The following FSHR variants were observed in gnomAD, a reference collection of about 807,000 sequenced individuals.
FSHR encodes follicle stimulating hormone receptor, also known as follicle-stimulating hormone receptor.
In FSHR, 46 loss-of-function variants were observed where a neutral mutation model predicts 52.1. That is an observed-to-expected ratio of 0.88 (90% CI 0.70 to 1.13). The LOEUF (loss-of-function observed/expected upper bound fraction) is 1.13. FSHR is among the 50% of genes most tolerant of loss of function. FSHR has a pLI of 0.00. For synonymous variants in FSHR, 399 were observed against 309.6 expected (o/e 1.29, Z -3.03); for missense variants, 964 against 834.6 (o/e 1.16, Z -1.91).
At chr2:49,140,685 CA>C (rs1429380953) in intron 1 of FSHR, among the ~76,000 whole-genome samples, 4 of 150,418 alleles carry the variant, frequency 2.7e-5, no homozygotes, top group African/African-American at 2.5e-5. Context: ...GCCTGGGCGA[CA>C]GAGTGAGACT....
At chr2:49,088,213 G>C (rs1418186305) in intron 1 of FSHR, among the ~76,000 whole-genome samples, 1 of 152,150 alleles carries the variant, frequency 6.6e-6, no homozygotes, top group Non-Finnish European at 1.5e-5. Flanking sequence ...AAGAGAATGG[G>C]ACCCAGGGCT....
chr2:49,076,122 T>C (rs921120183), intron 1 of FSHR, among the ~76,000 whole-genome samples: 1 of 152,138 alleles, frequency 6.6e-6, no homozygotes, highest in African/African-American at 2.4e-5. Flanking sequence ...TAGAAGTAAA[T>C]TCCACCCCTT....
chr2:49,086,941 C>T (rs1014773230), intron 1 of FSHR, among the ~76,000 whole-genome samples: 2 of 152,040 alleles, frequency 1.3e-5, no homozygotes, highest in African/African-American at 4.8e-5. Flanking sequence ...GCCCAGGCAT[C>T]CTTATTTTAA....
chr2:49,150,841 C>G (rs970961055), intron 1 of FSHR, among the ~76,000 whole-genome samples: 11 of 151,926 alleles, frequency 7.2e-5, no homozygotes, highest in African/African-American at 2.4e-4. Context: ...GTGGGCAATA[C>G]ATAGTCCATG....
At position 48,990,645 on chromosome 2, in the gene FSHR, G is replaced by T; in HGVS notation, c.375-8C>A. 2 of 1,554,628 alleles carry T rather than the reference G, an allele frequency of 1.3e-6. No individual in the cohort carries two copies. The highest frequency in any genetic ancestry group is 1.1e-5 in the South Asian group (1 of 89,858). On this transcript the variant is annotated splice_polypyrimidine_tract_variant and splice_region_variant and intron_variant, in intron 4 of 9. Coordinates refer to ENST00000406846, the MANE Select transcript of FSHR (RefSeq NM_000145.4). The stretch of plus-strand genomic sequence containing the variant: ...CCTGTGTTGGATATTAACCTAGAGA[G>T]AAACAAAATGAGAGTGAGTGAAAAT...
intron 1 of FSHR, among the ~76,000 whole-genome samples, chr2:49,103,710 G>T (rs974896): frequency 6.6e-6 from 1 of 151,856 alleles, no homozygotes. Flanking sequence ...TCTCTAAAGA[G>T]TGTATCTGAT....
At chr2:49,047,777 G>A (rs1668713690) in intron 2 of FSHR, among the ~76,000 whole-genome samples, 1 of 152,180 alleles carries the variant, frequency 6.6e-6, no homozygotes, top group Non-Finnish European at 1.5e-5. Context: ...AAAAACCTGA[G>A]AGCTTGACTT....
At chr2:49,061,785 C>A (rs1292962266) in intron 2 of FSHR, among the ~76,000 whole-genome samples, 1 of 136,636 alleles carries the variant, frequency 7.3e-6, no homozygotes, top group South Asian at 2.2e-4. Context: ...TCTATATATT[C>A]ATATATAACT....
At chr2:48,978,791 TG>T (rs1476940527) in intron 8 of FSHR, among the ~76,000 whole-genome samples, 1 of 152,222 alleles carries the variant, frequency 6.6e-6, no homozygotes, top group Non-Finnish European at 1.5e-5. Context: ...TTTCTTTGTG[TG>T]GAACAGTGCA....
At chr2:48,987,578 C>A (rs1675568861) in intron 6 of FSHR, among the ~76,000 whole-genome samples, 1 of 152,014 alleles carries the variant, frequency 6.6e-6, no homozygotes, top group African/African-American at 2.4e-5. Flanking sequence ...CTCTGCACGC[C>A]CTTTGCCAAT....
intron 4 of FSHR, among the ~76,000 whole-genome samples, chr2:48,998,572 G>A (rs11125195): frequency 5.5e-4 from 84 of 152,016 alleles, no homozygotes; most frequent in African/African-American, 2.0e-3. Flanking sequence ...TTTGACTGAC[G>A]TTAGGGAAAA....
At chr2:49,090,214 A>C (rs867093840) in intron 1 of FSHR, among the ~76,000 whole-genome samples, 1 of 152,080 alleles carries the variant, frequency 6.6e-6, no homozygotes, top group South Asian at 2.1e-4. Context: ...TAACCACCAC[A>C]ATCGGGATAT....
intron 4 of FSHR, among the ~76,000 whole-genome samples, chr2:48,998,824 G>C (rs1362432477): frequency 6.6e-6 from 1 of 151,934 alleles, no homozygotes; most frequent in East Asian, 1.9e-4. Flanking sequence ...ATTATATTTA[G>C]TGAGAGCAAA....
rs539935073 is a variant in FSHR, at chr2:49,068,664, C to A, written c.153-374G>T. Among the ~76,000 whole-genome samples, 14 of 152,168 alleles carry A rather than the reference C, an allele frequency of 9.2e-5. No homozygotes were observed. The East Asian group carries it at 1.5e-3, about 17-fold the overall frequency. On this transcript the variant is annotated intron_variant, in intron 1 of 9. Transcript: ENST00000406846. ...CCCCCATTACCTCTTCCTTTATTGT[C>A]ATTCTCAGCTGACCTTGCCTTCTAT...
chr2:49,019,119 A>G (rs2104216780), intron 3 of FSHR, among the ~76,000 whole-genome samples: 1 of 152,312 alleles, frequency 6.6e-6, no homozygotes, highest in South Asian at 2.1e-4. Context: ...ACCAATCTCT[A>G]AAGAAAACTT....
At chr2:49,128,160 C>A (rs1346278400) in intron 1 of FSHR, among the ~76,000 whole-genome samples, 1 of 151,938 alleles carries the variant, frequency 6.6e-6, no homozygotes, top group Non-Finnish European at 1.5e-5. Flanking sequence ...GGATTGCAGG[C>A]ATGATCCACC....
intron 1 of FSHR, among the ~76,000 whole-genome samples, chr2:49,124,494 A>G (rs1671932246): frequency 6.6e-6 from 1 of 152,034 alleles, no homozygotes. Flanking sequence ...CATGATCTTC[A>G]TCCTCCCTGC....
At chr2:49,025,242 T>C (rs956952265) in intron 2 of FSHR, among the ~76,000 whole-genome samples, 4 of 152,148 alleles carry the variant, frequency 2.6e-5, no homozygotes, top group Non-Finnish European at 5.9e-5. Flanking sequence ...GAATTTTGAT[T>C]AAGGAGCTTC....
intron 6 of FSHR, among the ~76,000 whole-genome samples, chr2:48,985,163 C>T (rs1251973569): frequency 6.6e-6 from 1 of 152,180 alleles, no homozygotes; most frequent in Non-Finnish European, 1.5e-5. Context: ...AGAACATCAA[C>T]TAAGGAGTTA....
Sources: gnomAD v4.1 joint callset for allele counts (sites outside exome capture counted in the v4.1 genomes callset) on GRCh38, gnomAD v4.1.1 for gene constraint, MANE v1.5 for transcripts, NCBI Gene and HGNC (gene_info 2026-07-23, HGNC 2026-07-21) for gene names.